The following SNX29 variants were observed in gnomAD, a reference collection of about 807,000 sequenced individuals.
The protein encoded by SNX29 is sorting nexin 29, also known as sorting nexin-29.
Under a neutral mutation model 102.1 loss-of-function variants are expected in SNX29, and 78 were observed. That is an observed-to-expected ratio of 0.76 (90% confidence interval 0.64 to 0.92). SNX29 has a LOEUF of 0.92. SNX29 is among the 40% of genes least tolerant of loss of function. The probability of loss-of-function intolerance (pLI) is 0.00; values close to 1 mark genes in which losing one functional copy is unlikely to be tolerated. For synonymous variants in SNX29, 580 were observed against 414.5 expected (o/e 1.40, Z -4.85); for missense variants, 1,280 against 1,061.7 (o/e 1.21, Z -2.86).
chr16:12,394,940 C>G lies in SNX29; in HGVS notation c.1900-3506C>G, dbSNP rs139831700. The stretch of plus-strand genomic sequence containing the variant: ...TGGTGGTGGTGTCATGCTTGCACAC[C>G]CCTCAGGACTAGAAGTGAGGGTAGC... On this transcript the variant is annotated intron_variant, in intron 16 of 20. Transcript: ENST00000566228. Among the ~76,000 whole-genome samples the G allele has an allele frequency of 9.5e-3, 1,443 of 152,180 alleles. 22 individuals are homozygous for G. Among genetic ancestry groups the G allele is most frequent in the African/African-American group, 0.032 (1,323 of 41,482 alleles).
In SNX29 at chr16:12,275,901, T is replaced by TC. The variant is rs1491065318; in HGVS notation, c.1679-2032_1679-2031insC. On this transcript the variant is annotated intron_variant, in intron 14 of 20. Coordinates refer to ENST00000566228, the MANE Select transcript of SNX29 (RefSeq NM_032167.5). ...TAATTGTTTTTTTTTTTTTTTTTTT[T>TC]TGGGGGGCGTGGTCAGAGTCTTGCT... Among the ~76,000 whole-genome samples, 122 of 102,960 alleles carry TC rather than the reference T, an allele frequency of 1.2e-3. 1 individual carries two copies. The highest frequency in any genetic ancestry group is 4.5e-3 in the African/African-American group (117 of 25,872). The allele number at this position is 102,960 out of a possible 152,430, so 67.5% of individuals were successfully genotyped here.
In SNX29 at chr16:12,571,873, G is replaced by C; in HGVS notation, c.*3244G>C. 1.9e-6 allele frequency: 2 copies of C among 1,061,650 alleles called. No individual in the cohort carries two copies. Among genetic ancestry groups the C allele is most frequent in the South Asian group, 4.6e-5 (1 of 21,968 alleles). 65.8% of individuals were successfully genotyped at this position (1,061,650 alleles called of 1,614,324 possible). Reference sequence around the variant, plus strand: ...CACGTTGCTGGCAAGGCATTTTAGAGTTTGGAGCTGAGGTTCAAAGCCCCC... The same window carrying C: ...CACGTTGCTGGCAAGGCATTTTAGACTTTGGAGCTGAGGTTCAAAGCCCCC... On this transcript the variant is annotated 3_prime_UTR_variant, in exon 21 of 21. Transcript: ENST00000566228.
chr16:12,189,697 CATTA>C (rs1301272696), intron 13 of SNX29, among the ~76,000 whole-genome samples: 1 of 151,972 alleles, frequency 6.6e-6, no homozygotes, highest in Non-Finnish European at 1.5e-5. Context: ...TTAAATTTTC[CATTA>C]ATTAATTTTG....
chr16:12,552,405 G>C (rs1044631854), intron 20 of SNX29, among the ~76,000 whole-genome samples: 1 of 152,222 alleles, frequency 6.6e-6, no homozygotes, highest in Non-Finnish European at 1.5e-5. Flanking sequence ...CAGAGCAGTG[G>C]TGAGGACGTG....
chr16:12,512,470 G>T (rs1020475964), intron 19 of SNX29, among the ~76,000 whole-genome samples: 2 of 142,416 alleles, frequency 1.4e-5, no homozygotes, highest in Non-Finnish European at 3.1e-5. Flanking sequence ...CTGGAGTGCA[G>T]TGGTGCGATC....
intron 16 of SNX29, among the ~76,000 whole-genome samples, chr16:12,383,539 C>T (rs887145689): frequency 1.8e-4 from 28 of 152,002 alleles, no homozygotes; most frequent in Middle Eastern, 3.4e-3. Flanking sequence ...TGGGTTCAAG[C>T]GATTCTTCTG....
At chr16:12,337,797 G>C (rs932087503) in intron 15 of SNX29, among the ~76,000 whole-genome samples, 3 of 152,204 alleles carry the variant, frequency 2.0e-5, no homozygotes, top group African/African-American at 7.2e-5. Context: ...CTGAGATTTT[G>C]CTGCCATTGT....
chr16:12,245,218 C>T (rs1185330626), intron 14 of SNX29, among the ~76,000 whole-genome samples: 1 of 152,090 alleles, frequency 6.6e-6, no homozygotes, highest in East Asian at 1.9e-4. Flanking sequence ...GGCATTGCTC[C>T]CTATGAGCTG....
At chr16:12,238,261 G>A (rs1264667259) in intron 14 of SNX29, among the ~76,000 whole-genome samples, 2 of 150,878 alleles carry the variant, frequency 1.3e-5, no homozygotes, top group East Asian at 3.9e-4. Context: ...GGGGTAAGAA[G>A]GCCTTGGCCT....
chr16:12,187,512 C>T (rs913716462), intron 13 of SNX29, among the ~76,000 whole-genome samples: 12 of 151,576 alleles, frequency 7.9e-5, no homozygotes, highest in African/African-American at 2.9e-4. Flanking sequence ...CATGCCACTG[C>T]ACTCCAGCCT....
At chr16:12,063,366 C>CTTTTTTTTTTTTTTT (rs369015533) in intron 9 of SNX29, among the ~76,000 whole-genome samples, 659 of 55,388 alleles carry the variant, frequency 0.012, 150 homozygotes, top group Middle Eastern at 0.029. Flanking sequence ...CCTAGTCCAT[C>CTTTTTTTTTTTTTTT]TTTTTTTTTT....
intron 18 of SNX29, among the ~76,000 whole-genome samples, chr16:12,455,469 G>T (rs1056727396): frequency 3.3e-5 from 5 of 152,172 alleles, no homozygotes; most frequent in Non-Finnish European, 7.4e-5. Flanking sequence ...TGCCACTCTG[G>T]CTCCCAGAGC....
At chr16:12,444,124 ATAGCACC>A (rs2085937363) in intron 18 of SNX29, among the ~76,000 whole-genome samples, 1 of 152,056 alleles carries the variant, frequency 6.6e-6, no homozygotes, top group Non-Finnish European at 1.5e-5. Flanking sequence ...AGCACTCAGT[ATAGCACC>A]TAGCACGTAG....
chr16:12,094,766 A>G (rs1230031712), intron 11 of SNX29, among the ~76,000 whole-genome samples: 1 of 152,078 alleles, frequency 6.6e-6, no homozygotes, highest in Non-Finnish European at 1.5e-5. Context: ...TCCTCCCAAC[A>G]CAGCATTATC....
intron 18 of SNX29, among the ~76,000 whole-genome samples, chr16:12,413,390 C>T (rs1442135713): frequency 6.6e-6 from 1 of 151,614 alleles, no homozygotes; most frequent in Admixed American, 6.6e-5. Flanking sequence ...GGGTGGGGTA[C>T]AGGGTGGATA....
chr16:12,149,274 C>T (rs530510818), intron 13 of SNX29, among the ~76,000 whole-genome samples: 2 of 152,170 alleles, frequency 1.3e-5, no homozygotes, highest in Non-Finnish European at 2.9e-5. Context: ...GCCAACTTCT[C>T]GTACAGAGGT....
intron 9 of SNX29, among the ~76,000 whole-genome samples, chr16:12,063,561 T>C (rs2151278700): frequency 1.3e-5 from 2 of 152,066 alleles, no homozygotes; most frequent in South Asian, 4.2e-4. Context: ...GTATTTTTAG[T>C]AGAGATGGCG....
intron 13 of SNX29, among the ~76,000 whole-genome samples, chr16:12,192,079 A>C (rs1567296017): frequency 6.6e-6 from 1 of 152,104 alleles, no homozygotes; most frequent in Non-Finnish European, 1.5e-5. Context: ...GTTGTGAGTA[A>C]TTTTCCTTTG....
chr16:12,027,665 AC>A (rs1555521952), intron 4 of SNX29: 6 of 470,966 alleles, frequency 1.3e-5, no homozygotes, highest in Non-Finnish European at 2.2e-5. Context: ...TCTCAGAGCC[AC>A]ATGGTACAGT....
Sources: allele counts gnomAD v4.1 joint callset (sites outside exome capture counted in the v4.1 genomes callset), GRCh38; gene constraint gnomAD v4.1.1; transcripts MANE v1.5; gene names NCBI Gene and HGNC (gene_info 2026-07-23, HGNC 2026-07-21).